Variants in HS1BP3 observed in about 807,000 individuals in gnomAD.
The protein encoded by HS1BP3 is HCLS1 binding protein 3.
Under a neutral mutation model 33.5 loss-of-function variants are expected in HS1BP3, and 32 were observed. The observed-to-expected ratio is 0.95, with a 90% CI of 0.72 to 1.28. HS1BP3 has a LOEUF of 1.28. Ranked by LOEUF, HS1BP3 falls within the 50% of genes most tolerant of loss-of-function variation. The pLI, the probability that HS1BP3 is intolerant of heterozygous loss-of-function variation, is 0.00. For missense variants in HS1BP3, 486 were observed against 502.3 expected, an observed-to-expected ratio of 0.97 and a Z score of 0.31; for synonymous variants, 187 against 209.2, an observed-to-expected ratio of 0.89 and a Z score of 0.92.
downstream of HS1BP3, among the ~76,000 whole-genome samples, chr2:20,589,248 G>C (rs1165998132): frequency 6.6e-6 from 1 of 152,214 alleles, no homozygotes; most frequent in Non-Finnish European, 1.5e-5. Flanking sequence ...GTCACTGCCA[G>C]GGCCTTCACC....
At chr2:20,607,027 G>A (rs1030190876) in intron 2 of HS1BP3, among the ~76,000 whole-genome samples, 10 of 151,150 alleles carry the variant, frequency 6.6e-5, no homozygotes, top group Admixed American at 5.9e-4. Flanking sequence ...AATAATCCAT[G>A]GCCAAATCTC....
chr2:20,623,613 C>T, intron 6 of HS1BP3: 1 of 313,854 alleles, frequency 3.2e-6, no homozygotes, highest in Non-Finnish European at 5.8e-6. Flanking sequence ...TTTAATTATT[C>T]TTTACATAAA....
rs1694492979 is a variant in HS1BP3, at chr2:20,618,643, G to A, written c.*344C>T. The A allele has an allele frequency of 9.2e-7, 1 of 1,086,380 alleles. No individual in the cohort carries two copies. Among genetic ancestry groups the A allele is most frequent in the East Asian group, 5.5e-5 (1 of 18,098 alleles). 67.3% of individuals were successfully genotyped at this position (1,086,380 alleles called of 1,614,324 possible). ...TGGGCATGAAGCTTCCCTGCCCCAT[G>A]TGACACCTCGCTACGGCCCCACATG... On this transcript the variant is annotated 3_prime_UTR_variant, in exon 7 of 7. Coordinates refer to ENST00000304031, the MANE Select transcript of HS1BP3 (RefSeq NM_022460.4).
intron 2 of HS1BP3, among the ~76,000 whole-genome samples, chr2:20,643,347 G>C (rs1422231533): frequency 6.6e-6 from 1 of 152,184 alleles, no homozygotes; most frequent in African/African-American, 2.4e-5. Flanking sequence ...AAGCTTCCCA[G>C]AATGCTCCCT....
intron 2 of HS1BP3, among the ~76,000 whole-genome samples, chr2:20,602,261 C>T (rs1445775712): frequency 2.6e-5 from 4 of 151,896 alleles, no homozygotes; most frequent in Non-Finnish European, 4.4e-5. Context: ...AGCAACGTCT[C>T]TTCTAAACTA....
rs145186648 is a variant in HS1BP3, at chr2:20,638,679, A to G, written c.407-27T>C. 7,872 of 1,582,788 alleles carry G rather than the reference A, an allele frequency of 5.0e-3. 26 individuals carry two copies. Among genetic ancestry groups the G allele is most frequent in the Non-Finnish European group, 6.1e-3 (7,093 of 1,154,126 alleles). On this transcript the variant is annotated intron_variant, in intron 3 of 6. Coordinates refer to ENST00000304031, the MANE Select transcript of HS1BP3 (RefSeq NM_022460.4). ...TGTGGAGGAAGACAGAAAAGAATGGACTTGGTAACCACCCCAGAGCCAGGG... is the reference window on the plus strand; with the variant it reads ...TGTGGAGGAAGACAGAAAAGAATGGGCTTGGTAACCACCCCAGAGCCAGGG...
At chr2:20,572,641 T>G (rs148628298) in intron 5 of HS1BP3, among the ~76,000 whole-genome samples, 22 of 152,278 alleles carry the variant, frequency 1.4e-4, no homozygotes, top group Non-Finnish European at 2.9e-4. Context: ...AGTTACACAA[T>G]GAAGAAAAGT....
intron 5 of HS1BP3, among the ~76,000 whole-genome samples, chr2:20,562,212 C>T (rs1262981054): frequency 6.6e-6 from 1 of 152,176 alleles, no homozygotes; most frequent in Admixed American, 6.5e-5. Flanking sequence ...GGCACTGTGG[C>T]TCACACCTGT....
At chr2:20,631,277 G>A (rs1694958637) in intron 4 of HS1BP3, among the ~76,000 whole-genome samples, 1 of 151,884 alleles carries the variant, frequency 6.6e-6, no homozygotes, top group African/African-American at 2.4e-5. Context: ...ACTTTGGGAA[G>A]CCGAGGCAGG....
intron 3 of HS1BP3, among the ~76,000 whole-genome samples, chr2:20,596,776 T>A (rs1340741340): frequency 6.6e-6 from 1 of 152,226 alleles, no homozygotes; most frequent in Non-Finnish European, 1.5e-5. Flanking sequence ...CTGCTGTGTC[T>A]GAAGCACCCA....
chr2:20,620,962 G>C (rs1163205697), intron 6 of HS1BP3, among the ~76,000 whole-genome samples: 4 of 152,266 alleles, frequency 2.6e-5, no homozygotes, highest in African/African-American at 9.6e-5. Context: ...CCTTGGGCCA[G>C]AGCAGGCTGG....
intron 1 of HS1BP3, among the ~76,000 whole-genome samples, chr2:20,650,479 A>G (rs1695658478): frequency 6.6e-6 from 1 of 152,166 alleles, no homozygotes; most frequent in South Asian, 2.1e-4. Flanking sequence ...CGCAAGCAGC[A>G]ACGACCTCTC....
At chr2:20,629,499 C>T (rs1694904472) in intron 4 of HS1BP3, among the ~76,000 whole-genome samples, 1 of 152,188 alleles carries the variant, frequency 6.6e-6, no homozygotes, top group Admixed American at 6.5e-5. Flanking sequence ...ATCTTGTCAC[C>T]AGGGATGGGG....
intron 4 of HS1BP3, chr2:20,638,161 C>T: frequency 1.7e-6 from 1 of 581,846 alleles, no homozygotes; most frequent in Non-Finnish European, 3.0e-6. Context: ...ACGGAGGACT[C>T]TACCAAGCCC....
intron 4 of HS1BP3, among the ~76,000 whole-genome samples, chr2:20,633,067 C>T (rs531457262): frequency 3.2e-4 from 48 of 152,368 alleles, no homozygotes; most frequent in African/African-American, 1.2e-3. Context: ...TGGGCCTCTA[C>T]TTTACCCCTA....
chr2:20,596,554 C>T (rs968839481), intron 3 of HS1BP3, among the ~76,000 whole-genome samples: 1 of 152,238 alleles, frequency 6.6e-6, no homozygotes, highest in Non-Finnish European at 1.5e-5. Context: ...TCAACTGATG[C>T]CTTGACCTTG....
chr2:20,595,113 C>A (rs1693914575), intron 3 of HS1BP3, among the ~76,000 whole-genome samples: 1 of 152,142 alleles, frequency 6.6e-6, no homozygotes, highest in South Asian at 2.1e-4. Context: ...GGAGTGAGAG[C>A]CTCGGCAGCC....
At chr2:20,559,503 T>A (rs1419923277), downstream of HS1BP3, among the ~76,000 whole-genome samples, 1 of 149,262 alleles carries the variant, frequency 6.7e-6, no homozygotes, top group African/African-American at 2.5e-5. Flanking sequence ...GATGAATGGA[T>A]GGATGGGTAG....
intron 2 of HS1BP3, among the ~76,000 whole-genome samples, chr2:20,604,093 A>C (rs1398130101): frequency 1.3e-5 from 2 of 152,196 alleles, no homozygotes; most frequent in African/African-American, 2.4e-5. Context: ...GGAAATTAAC[A>C]AGTGCTCTTG....
Sources: gnomAD v4.1 joint callset for allele counts (sites outside exome capture counted in the v4.1 genomes callset) on GRCh38, gnomAD v4.1.1 for gene constraint, MANE v1.5 for transcripts, NCBI Gene and HGNC (gene_info 2026-07-23, HGNC 2026-07-21) for gene names.